The following ARHGEF10 variants were observed in gnomAD, a reference collection of about 807,000 sequenced individuals.
The protein encoded by ARHGEF10 is Rho guanine nucleotide exchange factor (GEF) 10.
A neutral mutation model predicts 147.4 loss-of-function variants in ARHGEF10; 140 were observed. That is an observed-to-expected ratio of 0.95 (90% CI 0.83 to 1.09). The LOEUF is 1.09. Among genes scored for constraint, ARHGEF10 ranks in the 50% least tolerant of loss-of-function variants. The pLI, the probability that ARHGEF10 is intolerant of heterozygous loss-of-function variation, is 0.00. For synonymous variants in ARHGEF10, 902 were observed against 695.8 expected (o/e 1.30, Z -4.67); for missense variants, 2,222 against 1,752.7 (o/e 1.27, Z -4.78).
At chr8:1,865,553 C>G (rs1400505652) in intron 5 of ARHGEF10, among the ~76,000 whole-genome samples, 1 of 152,170 alleles carries the variant, frequency 6.6e-6, no homozygotes, top group African/African-American at 2.4e-5. Context: ...CCCCGGCACC[C>G]AGGGGGCCGT....
At chr8:1,898,233 C>T (rs529078471) in intron 14 of ARHGEF10, among the ~76,000 whole-genome samples, 200 bp from the exon 15 acceptor site, 1 of 152,304 alleles carries the variant, frequency 6.6e-6, no homozygotes, top group South Asian at 2.1e-4. Flanking sequence ...AGGTCGGGCC[C>T]CTGCAGCAAA....
chr8:1,946,519 A>C (rs186885424), intron 27 of ARHGEF10, among the ~76,000 whole-genome samples: 1 of 152,238 alleles, frequency 6.6e-6, no homozygotes. Context: ...TCATGTGGTG[A>C]AGAAAGAGCC....
intron 1 of ARHGEF10, among the ~76,000 whole-genome samples, chr8:1,833,831 G>A (rs1585209741): frequency 6.6e-6 from 1 of 152,228 alleles, no homozygotes; most frequent in Non-Finnish European, 1.5e-5. Flanking sequence ...TCCCTGGGAG[G>A]GAGTCTTAGC....
rs75871644 is a variant in ARHGEF10 at position 1,837,110 on chromosome 8, A to T, written c.-47-6243A>T. ...TTCTTAGGAATGCAGTTTTTAAGGG[A>T]CACTAATTTGGAAGGAAATTTTTGG... On this transcript the variant is annotated intron_variant, in intron 1 of 28. Coordinates refer to ENST00000349830, the MANE Select transcript of ARHGEF10 (RefSeq NM_014629.4). Among the ~76,000 whole-genome samples the T allele has an allele frequency of 1.7e-3, 256 of 152,358 alleles. 2 individuals carry two copies. Among genetic ancestry groups the T allele is most frequent in the African/African-American group, 6.1e-3 (252 of 41,586 alleles).
rs1282490405 is a variant in ARHGEF10, at chr8:1,848,082, C to T, written c.37+4646C>T. On this transcript the variant is annotated intron_variant, in intron 2 of 28. Transcript: ENST00000349830. ...CCCACTCAGGGTGCTGGGACCAGAG[C>T]CACCAGGTCTTGGTAGCTTGTAGAA... is the stretch of plus-strand genomic sequence containing the variant. Among the ~76,000 whole-genome samples, 4 of 152,316 alleles carry T rather than the reference C, an allele frequency of 2.6e-5. No homozygotes were observed. The East Asian group carries it at 7.7e-4, about 29-fold the overall frequency.
At position 1,923,523 on chromosome 8, in the gene ARHGEF10, T is replaced by G; in HGVS notation, c.2315T>G (p.Leu772Trp). ...DWTSGLQRLI[L>W]KKEDEIRAAD... The stretch of plus-strand genomic sequence containing the variant: ...ACATCAGGTTTACAAAGGCTTATTT[T>G]GAAGAAAGAAGATGAAATCAGAGCT... Residue 772 changes from leucine to tryptophan, a missense_variant, in exon 20 of 29, where the codon TTG (leucine) becomes TGG (tryptophan). Transcript: ENST00000349830. 1 of 1,614,116 alleles carries G rather than the reference T, an allele frequency of 6.2e-7. No individual in the cohort carries two copies. The highest frequency in any genetic ancestry group is 8.5e-7 in the Non-Finnish European group (1 of 1,180,048).
At chr8:1,846,157 G>A (rs538738761) in intron 2 of ARHGEF10, among the ~76,000 whole-genome samples, 150 of 152,364 alleles carry the variant, frequency 9.8e-4, no homozygotes, top group Middle Eastern at 3.4e-3. Context: ...GAGCCCGGGA[G>A]CCGCGGAGGG....
intron 2 of ARHGEF10, among the ~76,000 whole-genome samples, chr8:1,856,570 G>T (rs1184008270): frequency 1.3e-5 from 2 of 152,258 alleles, no homozygotes; most frequent in Non-Finnish European, 2.9e-5. Context: ...TTCCCCAGGA[G>T]GCTCGGCAGA....
intron 7 of ARHGEF10, among the ~76,000 whole-genome samples, chr8:1,871,282 A>G (rs1239811309): frequency 2.6e-5 from 4 of 152,102 alleles, no homozygotes; most frequent in African/African-American, 9.7e-5. Context: ...ATGCCTCAAA[A>G]CAAATATTAA....
chr8:1,884,437 C>T (rs1025915303), intron 10 of ARHGEF10, among the ~76,000 whole-genome samples: 2 of 151,862 alleles, frequency 1.3e-5, no homozygotes, highest in Non-Finnish European at 2.9e-5. Context: ...CCTCCCAACC[C>T]GAGTTTCCTA....
chr8:1,909,222 A>G, intron 17 of ARHGEF10, 73 bp from the exon 18 acceptor site: 1 of 1,597,970 alleles, frequency 6.3e-7, no homozygotes, highest in Non-Finnish European at 8.6e-7. Flanking sequence ...TCACTTGAAC[A>G]TCTGAGGGAT....
chr8:1,893,423 G>GTATT, intron 11 of ARHGEF10, 146 bp from the exon 12 acceptor site: 1 of 655,946 alleles, frequency 1.5e-6, no homozygotes, highest in Non-Finnish European at 2.7e-6. Flanking sequence ...TTTTGTACCT[G>GTATT]TAATGTTATT....
intron 18 of ARHGEF10, among the ~76,000 whole-genome samples, chr8:1,921,874 G>A (rs1230917706): frequency 6.6e-6 from 1 of 152,142 alleles, no homozygotes; most frequent in Non-Finnish European, 1.5e-5. Flanking sequence ...GAAACACAAG[G>A]CACTTTACTC....
intron 11 of ARHGEF10, among the ~76,000 whole-genome samples, chr8:1,891,848 A>T (rs1809554197): frequency 6.6e-6 from 1 of 151,860 alleles, no homozygotes; most frequent in African/African-American, 2.4e-5. Flanking sequence ...AACCCAGAAT[A>T]TTGGTTTTGT....
chr8:1,942,392 C>T (rs558252436), intron 26 of ARHGEF10, among the ~76,000 whole-genome samples: 16 of 151,752 alleles, frequency 1.1e-4, no homozygotes, highest in Admixed American at 9.2e-4. Context: ...AATCATGGAG[C>T]GAAACCACAG....
intron 15 of ARHGEF10, among the ~76,000 whole-genome samples, chr8:1,901,716 A>G (rs1006520): frequency 0.24 from 36,054 of 152,174 alleles, 4,368 homozygotes; most frequent in Admixed American, 0.28. Context: ...TCGCACGCCT[A>G]GTCCCCGGTG....
chr8:1,831,595 G>C (rs1803114559), intron 1 of ARHGEF10, among the ~76,000 whole-genome samples: 1 of 151,970 alleles, frequency 6.6e-6, no homozygotes, highest in Non-Finnish European at 1.5e-5. Context: ...GACGGCCGTG[G>C]AGGGACAGTG....
In ARHGEF10 at chr8:1,903,349, C is replaced by T. The variant is rs200136507; in HGVS notation, c.1719C>T (p.Leu573=). The T allele has an allele frequency of 1.2e-5, 20 of 1,613,924 alleles. No individual in the cohort carries two copies. In the East Asian group the frequency reaches 1.3e-4, roughly 11 times the overall value. The part of the protein sequence containing the change: ...RLPLQMALTE[L]ETLAEKLNER... Reference sequence around the variant, plus strand: ...CTCTTCAGATGGCCCTGACAGAGCTCGAAACACTAGCAGAGAAGTTAAATG... The same window carrying T: ...CTCTTCAGATGGCCCTGACAGAGCTTGAAACACTAGCAGAGAAGTTAAATG... Residue 573 remains leucine (L), a synonymous_variant, in exon 16 of 29, where the codon CTC becomes CTT. Transcript: ENST00000349830.
At chr8:1,956,227 C>T (rs1815555434) in intron 28 of ARHGEF10, among the ~76,000 whole-genome samples, 2 of 152,192 alleles carry the variant, frequency 1.3e-5, no homozygotes, top group Admixed American at 1.3e-4. Flanking sequence ...TGAATCACAT[C>T]ACCTGAAAAC....
Sources: gnomAD v4.1 joint callset for allele counts (sites outside exome capture counted in the v4.1 genomes callset) on GRCh38, gnomAD v4.1.1 for gene constraint, MANE v1.5 for transcripts, NCBI Gene and HGNC (gene_info 2026-07-23, HGNC 2026-07-21) for gene names.